FBXL7: variants seen among roughly 807,000 people sequenced by gnomAD.
FBXL7 encodes the protein F-box and leucine rich repeat protein 7, also known as F-box/LRR-repeat protein 7.
In FBXL7, 12 loss-of-function variants were observed where a neutral mutation model predicts 38.3. That is an observed-to-expected ratio of 0.31 (90% confidence interval 0.20 to 0.51). The LOEUF (loss-of-function observed/expected upper bound fraction) is 0.51, where lower values mean the gene tolerates loss of function less well. FBXL7 is among the 20% of genes least tolerant of loss of function. The pLI, the probability that FBXL7 is intolerant of heterozygous loss-of-function variation, is 0.98. For synonymous variants in FBXL7, 297 were observed against 300.9 expected (o/e 0.99, Z 0.13); for missense variants, 567 against 676.4 (o/e 0.84, Z 1.79).
intron 2 of FBXL7, among the ~76,000 whole-genome samples, chr5:15,759,300 A>T (rs1000651013): frequency 1.1e-4 from 17 of 152,236 alleles, no homozygotes; most frequent in African/African-American, 3.9e-4. Context: ...CACAATTAAC[A>T]TGGAATCCAG....
At chr5:15,699,686 T>C (rs772044454) in intron 2 of FBXL7, among the ~76,000 whole-genome samples, 66 of 152,102 alleles carry the variant, frequency 4.3e-4, no homozygotes, top group Non-Finnish European at 8.8e-4. Context: ...CATCCAGACT[T>C]TCTACAGGTC....
intron 1 of FBXL7, among the ~76,000 whole-genome samples, chr5:15,556,304 C>T (rs918009966): frequency 3.3e-5 from 5 of 151,982 alleles, no homozygotes; most frequent in African/African-American, 4.8e-5. Flanking sequence ...CAGGAGAAGA[C>T]GTGTGTCTGA....
intron 2 of FBXL7, among the ~76,000 whole-genome samples, chr5:15,711,064 CTCT>C (rs1203374725): frequency 6.6e-6 from 1 of 152,206 alleles, no homozygotes; most frequent in African/African-American, 2.4e-5. Context: ...TGCACAAGCT[CTCT>C]TCTTTTGTCT....
At chr5:15,546,204 C>T (rs936017876) in intron 1 of FBXL7, among the ~76,000 whole-genome samples, 8 of 149,682 alleles carry the variant, frequency 5.3e-5, no homozygotes, top group African/African-American at 1.5e-4. Context: ...CTGAGGCAGG[C>T]GGATTACCTG....
At chr5:15,634,385 G>A (rs1303223939) in intron 2 of FBXL7, among the ~76,000 whole-genome samples, 5 of 140,798 alleles carry the variant, frequency 3.6e-5, no homozygotes, top group Non-Finnish European at 7.6e-5. Flanking sequence ...GCAGCAGTGC[G>A]ATCTCAGCTC....
At chr5:15,677,394 G>A (rs1476947888) in intron 2 of FBXL7, among the ~76,000 whole-genome samples, 1 of 152,024 alleles carries the variant, frequency 6.6e-6, no homozygotes, top group East Asian at 1.9e-4. Flanking sequence ...TCGAACCCAG[G>A]AAGTGGAGGT....
Position 15,834,226 on chromosome 5 carries a change from G to A in FBXL7, c.128-93664G>A, listed in dbSNP as rs1055265384. Among the ~76,000 whole-genome samples, 9 of 152,146 alleles carry A rather than the reference G, an allele frequency of 5.9e-5. No homozygotes were observed. In the South Asian group the frequency reaches 6.2e-4, roughly 10 times the overall value. ...TAACAAATCCACCTAAGGGCTGTAC[G>A]CTTATCTAGGGAACGTAACTTTGTT... On this transcript the variant is annotated intron_variant, in intron 2 of 3. Transcript: ENST00000504595.
At chr5:15,537,281 T>C (rs980459019) in intron 1 of FBXL7, among the ~76,000 whole-genome samples, 3 of 152,248 alleles carry the variant, frequency 2.0e-5, no homozygotes, top group Non-Finnish European at 4.4e-5. Flanking sequence ...TCTTTTCATA[T>C]GCTTATTTTC....
chr5:15,753,006 T>G (rs1736193524), intron 2 of FBXL7, among the ~76,000 whole-genome samples: 1 of 152,184 alleles, frequency 6.6e-6, no homozygotes, highest in South Asian at 2.1e-4. Context: ...TTGTGGCTGT[T>G]GTGATAAGAC....
chr5:15,547,890 A>T (rs1244627932), intron 1 of FBXL7, among the ~76,000 whole-genome samples: 1 of 152,140 alleles, frequency 6.6e-6, no homozygotes, highest in African/African-American at 2.4e-5. Context: ...TGCTGGGGGA[A>T]CTTGAAGTCG....
chr5:15,529,902 G>T (rs952055782), intron 1 of FBXL7, among the ~76,000 whole-genome samples: 8 of 152,102 alleles, frequency 5.3e-5, no homozygotes, highest in Admixed American at 2.6e-4. Context: ...CCCAAATTGG[G>T]GTGGTAGTTT....
At chr5:15,666,575 T>G (rs1212145954) in intron 2 of FBXL7, among the ~76,000 whole-genome samples, 2 of 152,160 alleles carry the variant, frequency 1.3e-5, no homozygotes, top group Non-Finnish European at 2.9e-5. Context: ...TTTTTGACAA[T>G]CATATCATAA....
At chr5:15,787,369 C>T (rs1737159006) in intron 2 of FBXL7, among the ~76,000 whole-genome samples, 1 of 152,082 alleles carries the variant, frequency 6.6e-6, no homozygotes, top group Admixed American at 6.6e-5. Context: ...CTGGAAAGGT[C>T]TTTTAAGGAG....
intron 2 of FBXL7, among the ~76,000 whole-genome samples, chr5:15,681,845 A>G (rs1001799003): frequency 6.6e-6 from 1 of 152,178 alleles, no homozygotes; most frequent in African/African-American, 2.4e-5. Flanking sequence ...ATAAGAACAT[A>G]AGGAAATGGA....
intron 2 of FBXL7, among the ~76,000 whole-genome samples, chr5:15,848,032 T>A (rs1738966889): frequency 6.6e-6 from 1 of 152,180 alleles, no homozygotes; most frequent in Admixed American, 6.5e-5. Context: ...ACAATACTCC[T>A]GACCCACAAA....
chr5:15,525,477 A>G (rs1023567418), intron 1 of FBXL7, among the ~76,000 whole-genome samples: 1 of 152,188 alleles, frequency 6.6e-6, no homozygotes, highest in Non-Finnish European at 1.5e-5. Flanking sequence ...AAATGAGGAC[A>G]TTGAAGCTGG....
At chr5:15,785,233 G>GCA (rs2072729889) in intron 2 of FBXL7, among the ~76,000 whole-genome samples, 5 of 152,180 alleles carry the variant, frequency 3.3e-5, no homozygotes, top group African/African-American at 1.2e-4. Context: ...GGCTGTCGAG[G>GCA]CAACACAGGA....
chr5:15,823,370 T>C (rs899895953), intron 2 of FBXL7, among the ~76,000 whole-genome samples: 2 of 152,204 alleles, frequency 1.3e-5, no homozygotes, highest in African/African-American at 4.8e-5. Context: ...ATCACAGTCA[T>C]TATAACCTGT....
chr5:15,598,046 A>C (rs1739676984), intron 1 of FBXL7, among the ~76,000 whole-genome samples: 1 of 152,208 alleles, frequency 6.6e-6, no homozygotes, highest in Non-Finnish European at 1.5e-5. Flanking sequence ...ACCGCAATTT[A>C]TATGATAAAA....
Sources: allele counts gnomAD v4.1 joint callset (sites outside exome capture counted in the v4.1 genomes callset), GRCh38; gene constraint gnomAD v4.1.1; transcripts MANE v1.5; gene names NCBI Gene and HGNC (gene_info 2026-07-23, HGNC 2026-07-21).